The following RAP1B variants were observed in gnomAD, a reference collection of about 807,000 sequenced individuals.
The protein encoded by RAP1B is ras-related protein Rap-1b.
Under a neutral mutation model 27.5 loss-of-function variants are expected in RAP1B, and 1 was observed. The ratio of observed to expected loss-of-function variants is 0.04; its 90% CI spans 0.01 to 0.17. The LOEUF is 0.17. RAP1B is among the 10% of genes least tolerant of loss of function. The probability of loss-of-function intolerance (pLI) is 1.00; values close to 1 mark genes in which losing one functional copy is unlikely to be tolerated. For synonymous variants in RAP1B, 75 were observed against 73.1 expected (o/e 1.03, Z -0.13); for missense variants, 84 against 214.8 (o/e 0.39, Z 3.81).
At chr12:68,636,757 A>C (rs1177597157) in intron 1 of RAP1B, among the ~76,000 whole-genome samples, 1 of 151,600 alleles carries the variant, frequency 6.6e-6, no homozygotes, top group South Asian at 2.1e-4. Flanking sequence ...CTGTTCAAGC[A>C]ATTCTCCTGC....
intron 1 of RAP1B, chr12:68,627,325 C>T: frequency 2.6e-6 from 2 of 762,102 alleles, no homozygotes; most frequent in Non-Finnish European, 2.4e-6. Context: ...AGCCATTGCA[C>T]ACTGGGCCCC....
At chr12:68,656,726 A>G in intron 6 of RAP1B, 1 of 538,594 alleles carries the variant, frequency 1.9e-6, no homozygotes, top group East Asian at 3.1e-5. Flanking sequence ...CAGGTATATG[A>G]AGGATGTTAT....
intron 7 of RAP1B, 29 bp downstream of exon 7, chr12:68,657,246 T>G (rs754872979): frequency 1.4e-6 from 2 of 1,423,086 alleles, no homozygotes; most frequent in Non-Finnish European, 2.0e-6. Flanking sequence ...CCTCTAACTT[T>G]TAATCACTCA....
chr12:68,653,566 G>T (rs1410973068), intron 4 of RAP1B, among the ~76,000 whole-genome samples: 4 of 152,098 alleles, frequency 2.6e-5, no homozygotes, highest in Non-Finnish European at 4.4e-5. Context: ...TTGGGGACAG[G>T]ATATTTCTGT....
In RAP1B at chr12:68,662,211, T is replaced by C. The variant is rs1874638547; in HGVS notation, c.*2962T>C. On this transcript the variant is annotated 3_prime_UTR_variant, in exon 8 of 8. Transcript: ENST00000250559. ...AACTGCAGTTTGGGAGCACAACTCA[T>C]GTAGATTGACTTTTCTGGTGCTTAA... is the stretch of plus-strand genomic sequence containing the variant. The C allele has an allele frequency of 6.6e-6, 1 of 151,650 alleles. No homozygotes were observed. Among genetic ancestry groups the C allele is most frequent in the South Asian group, 2.1e-4 (1 of 4,826 alleles). 9.4% of individuals were successfully genotyped at this position (151,650 alleles called of 1,614,324 possible).
At chr12:68,618,683 G>C (rs7975515) in intron 1 of RAP1B, among the ~76,000 whole-genome samples, 2,707 of 152,248 alleles carry the variant, frequency 0.018, 45 homozygotes, top group Non-Finnish European at 0.029. Flanking sequence ...GAATAAACCA[G>C]GTTAGAGTAC....
chr12:68,651,303 C>A (rs528902931), intron 3 of RAP1B, among the ~76,000 whole-genome samples: 1 of 151,278 alleles, frequency 6.6e-6, no homozygotes, highest in African/African-American at 2.4e-5. Flanking sequence ...TATTTCCCAA[C>A]CTCTATGAAG....
intron 1 of RAP1B, chr12:68,626,787 T>G: frequency 2.6e-6 from 3 of 1,172,226 alleles, no homozygotes; most frequent in Non-Finnish European, 3.6e-6. Context: ...TTTTTTTTGT[T>G]GTTTGTTTGT....
At chr12:68,617,910 C>T (rs781593938) in intron 1 of RAP1B, among the ~76,000 whole-genome samples, 1 of 151,828 alleles carries the variant, frequency 6.6e-6, no homozygotes, top group African/African-American at 2.4e-5. Flanking sequence ...CCTACAGGCG[C>T]ATGCCACCAT....
chr12:68,619,691 GTCT>G (rs1452907797), intron 1 of RAP1B, among the ~76,000 whole-genome samples: 1 of 152,138 alleles, frequency 6.6e-6, no homozygotes, highest in Non-Finnish European at 1.5e-5. Context: ...AGTGTTTAAT[GTCT>G]TCTTTGATTT....
chr12:68,618,635 G>A (rs963835468), intron 1 of RAP1B, among the ~76,000 whole-genome samples: 3 of 152,142 alleles, frequency 2.0e-5, no homozygotes, highest in Non-Finnish European at 4.4e-5. Flanking sequence ...TGTACCTGTA[G>A]TATAAAAACA....
At chr12:68,643,022 C>T in intron 1 of RAP1B, 1 of 771,084 alleles carries the variant, frequency 1.3e-6, no homozygotes, top group Non-Finnish European at 2.4e-6. Flanking sequence ...CCCTGGCTGC[C>T]CACGGTCCAC....
chr12:68,630,404 T>G (rs1375111241), intron 1 of RAP1B, among the ~76,000 whole-genome samples: 1 of 152,188 alleles, frequency 6.6e-6, no homozygotes, highest in East Asian at 1.9e-4. Flanking sequence ...CAACAAAATT[T>G]TATTTACCAA....
intron 1 of RAP1B, among the ~76,000 whole-genome samples, chr12:68,644,241 G>A (rs891539228): frequency 6.6e-6 from 1 of 152,064 alleles, no homozygotes; most frequent in Non-Finnish European, 1.5e-5. Context: ...ACAGGTTTTT[G>A]CTTTTTTATA....
intron 1 of RAP1B, among the ~76,000 whole-genome samples, chr12:68,614,238 A>G (rs1870819245): frequency 6.6e-6 from 1 of 152,232 alleles, no homozygotes; most frequent in African/African-American, 2.4e-5. Context: ...TGGATCTGAT[A>G]CAGAGAATTT....
chr12:68,637,772 C>G (rs991180433), intron 1 of RAP1B, among the ~76,000 whole-genome samples: 5 of 152,010 alleles, frequency 3.3e-5, no homozygotes, highest in Admixed American at 3.3e-4. Context: ...TAAGGAAAAA[C>G]TGAGTTTGGG....
intron 1 of RAP1B, among the ~76,000 whole-genome samples, chr12:68,625,223 G>A (rs1871667582): frequency 6.6e-6 from 1 of 152,200 alleles, no homozygotes; most frequent in Non-Finnish European, 1.5e-5. Flanking sequence ...ATGTCTTTCA[G>A]TGAAGTGTGG....
At chr12:68,651,863 A>G in intron 3 of RAP1B, 132 bp from the exon 4 acceptor site, 2 of 622,274 alleles carry the variant, frequency 3.2e-6, no homozygotes. Context: ...TTGTTGAAGT[A>G]TTGCTGGATA....
chr12:68,634,646 A>G (rs1484762301), intron 1 of RAP1B, among the ~76,000 whole-genome samples: 3 of 151,654 alleles, frequency 2.0e-5, no homozygotes, highest in African/African-American at 7.3e-5. Context: ...TCACTTAACT[A>G]TTTTGCTTAT....
Sources: gnomAD v4.1 joint callset for allele counts (sites outside exome capture counted in the v4.1 genomes callset) on GRCh38, gnomAD v4.1.1 for gene constraint, MANE v1.5 for transcripts, NCBI Gene and HGNC (gene_info 2026-07-23, HGNC 2026-07-21) for gene names.